Variants in ASIC2 observed in about 807,000 individuals in gnomAD.
ASIC2 encodes the protein acid-sensing ion channel 2.
In ASIC2, 25 loss-of-function variants were observed where a neutral mutation model predicts 57.3. That is an observed-to-expected ratio of 0.44 (90% CI 0.32 to 0.61). The LOEUF (loss-of-function observed/expected upper bound fraction) is 0.61, where lower values mean the gene tolerates loss of function less well. Among genes scored for constraint, ASIC2 ranks in the 20% least tolerant of loss-of-function variants. The pLI is 0.06. For synonymous variants in ASIC2, 319 were observed against 307.5 expected (o/e 1.04, Z -0.39); for missense variants, 641 against 738.1 (o/e 0.87, Z 1.52).
intron 1 of ASIC2, among the ~76,000 whole-genome samples, chr17:33,928,887 C>G (rs1001514028): frequency 5.3e-5 from 8 of 152,228 alleles, no homozygotes; most frequent in African/African-American, 1.9e-4. Flanking sequence ...TGTTAGGTAA[C>G]CGAGGCTGCA....
At chr17:33,360,063 A>C (rs533286673) in intron 1 of ASIC2, among the ~76,000 whole-genome samples, 1 of 152,348 alleles carries the variant, frequency 6.6e-6, no homozygotes, top group Non-Finnish European at 1.5e-5. Flanking sequence ...AGTATGGAGT[A>C]CATGTGTCAC....
At chr17:33,826,694 G>C (rs1434576531) in intron 1 of ASIC2, among the ~76,000 whole-genome samples, 3 of 152,122 alleles carry the variant, frequency 2.0e-5, no homozygotes, top group Non-Finnish European at 2.9e-5. Context: ...AAGGACCAAA[G>C]GTAGTGCAGA....
In ASIC2 at chr17:33,879,837, C is replaced by T. The variant is rs541961890; in HGVS notation, c.555+276141G>A. 3.3e-5 allele frequency among the ~76,000 whole-genome samples: 5 copies of T among 152,274 alleles called. No homozygotes were observed. The South Asian group carries it at 8.3e-4, about 25-fold the overall frequency. On this transcript the variant is annotated intron_variant, in intron 1 of 9. Transcript: ENST00000359872. Reference sequence around the variant, plus strand: ...GCACCACACCACACCTATTCCAAAACTGACCACATAGTTGGAAGTAAAGCT... The same window carrying T: ...GCACCACACCACACCTATTCCAAAATTGACCACATAGTTGGAAGTAAAGCT...
chr17:33,950,804 C>G (rs1323371555), intron 1 of ASIC2, among the ~76,000 whole-genome samples: 1 of 152,192 alleles, frequency 6.6e-6, no homozygotes, highest in Non-Finnish European at 1.5e-5. Flanking sequence ...GAAGGCAGCT[C>G]CAGCCTTTTA....
At chr17:33,749,987 G>A (rs771232393) in intron 1 of ASIC2, among the ~76,000 whole-genome samples, 1 of 152,178 alleles carries the variant, frequency 6.6e-6, no homozygotes, top group Non-Finnish European at 1.5e-5. Flanking sequence ...TTAGGGACCA[G>A]CTGTGGGGAC....
chr17:33,928,113 GT>G (rs201894002), intron 1 of ASIC2, among the ~76,000 whole-genome samples: 54 of 152,122 alleles, frequency 3.5e-4, no homozygotes, highest in Admixed American at 1.1e-3. Context: ...TAGCTTTTTG[GT>G]TTTTTTCCCC....
intron 1 of ASIC2, among the ~76,000 whole-genome samples, chr17:33,818,031 C>A (rs530068885): frequency 6.6e-6 from 1 of 152,194 alleles, no homozygotes; most frequent in African/African-American, 2.4e-5. Context: ...CTGATAGAAG[C>A]TGCATCTTTT....
At chr17:33,857,591 A>G (rs1351346957) in intron 1 of ASIC2, among the ~76,000 whole-genome samples, 2 of 152,234 alleles carry the variant, frequency 1.3e-5, no homozygotes, top group Non-Finnish European at 2.9e-5. Flanking sequence ...CTTTAATGTC[A>G]TTAAATCCGA....
chr17:34,012,067 T>C (rs970060570), intron 1 of ASIC2, among the ~76,000 whole-genome samples: 3 of 152,170 alleles, frequency 2.0e-5, no homozygotes, highest in Non-Finnish European at 2.9e-5. Flanking sequence ...CCCCTTATTT[T>C]GGTTATTTGC....
intron 1 of ASIC2, among the ~76,000 whole-genome samples, chr17:33,461,043 G>A (rs34831989): frequency 0.34 from 52,384 of 151,848 alleles, 9,180 homozygotes; most frequent in Middle Eastern, 0.46. Flanking sequence ...AAATCATCTC[G>A]CCTCCTCCTC....
intron 1 of ASIC2, among the ~76,000 whole-genome samples, chr17:33,874,961 T>C (rs1914514498): frequency 6.6e-6 from 1 of 152,208 alleles, no homozygotes; most frequent in Non-Finnish European, 1.5e-5. Context: ...CTCCCCCATC[T>C]TGTCCCATGA....
chr17:34,104,974 A>G (rs112247179), intron 1 of ASIC2, among the ~76,000 whole-genome samples: 10 of 151,986 alleles, frequency 6.6e-5, no homozygotes, highest in African/African-American at 2.4e-4. Context: ...TAAAACATGT[A>G]TTTTCCTCCT....
At chr17:33,057,465 A>T (rs1011945946) in intron 3 of ASIC2, among the ~76,000 whole-genome samples, 2 of 152,224 alleles carry the variant, frequency 1.3e-5, no homozygotes, top group African/African-American at 2.4e-5. Flanking sequence ...CTAACTGTCC[A>T]GGGAGGTGGA....
At chr17:33,753,987 G>T (rs1035293074) in intron 1 of ASIC2, among the ~76,000 whole-genome samples, 1 of 152,134 alleles carries the variant, frequency 6.6e-6, no homozygotes, top group East Asian at 1.9e-4. Context: ...AGCGTACATA[G>T]GAACACTCTA....
At chr17:34,110,504 C>T (rs745887604) in intron 1 of ASIC2, among the ~76,000 whole-genome samples, 4 of 152,178 alleles carry the variant, frequency 2.6e-5, no homozygotes, top group Admixed American at 2.6e-4. Context: ...CAGCAGCAGG[C>T]GGGACAAAGC....
intron 1 of ASIC2, among the ~76,000 whole-genome samples, chr17:34,082,917 G>A (rs1453045952): frequency 6.6e-6 from 1 of 152,116 alleles, no homozygotes; most frequent in Non-Finnish European, 1.5e-5. Flanking sequence ...ATGGGAAGAA[G>A]TTTTTGAATG....
chr17:33,712,896 C>T (rs943960595), intron 1 of ASIC2, among the ~76,000 whole-genome samples: 4 of 151,968 alleles, frequency 2.6e-5, no homozygotes, highest in South Asian at 4.2e-4. Flanking sequence ...CCGCCCGCCT[C>T]GGCCTCCCAA....
In ASIC2 at chr17:33,841,465, C is replaced by T. The variant is rs149417621; in HGVS notation, c.555+314513G>A. Among the ~76,000 whole-genome samples, 341 of 152,296 alleles carry T rather than the reference C, an allele frequency of 2.2e-3. 1 individual carries two copies. Among genetic ancestry groups the T allele is most frequent in the African/African-American group, 7.9e-3 (329 of 41,558 alleles). ...GGCAAGGCAGTTAGGCACAGGTGTG[C>T]CAGGCTGCCAAATTACAATGAGTGC... On this transcript the variant is annotated intron_variant, in intron 1 of 9. Transcript: ENST00000359872.
chr17:33,317,240 A>T (rs999105424), intron 1 of ASIC2, among the ~76,000 whole-genome samples: 1 of 152,108 alleles, frequency 6.6e-6, no homozygotes, highest in Non-Finnish European at 1.5e-5. Context: ...TGTGATTCCC[A>T]TGTTTGTCAG....
Sources: allele counts gnomAD v4.1 joint callset (sites outside exome capture counted in the v4.1 genomes callset), GRCh38; gene constraint gnomAD v4.1.1; transcripts MANE v1.5; gene names NCBI Gene and HGNC (gene_info 2026-07-23, HGNC 2026-07-21).